The following CYP7B1 variants were observed in gnomAD, a reference collection of about 807,000 sequenced individuals.
The protein encoded by CYP7B1 is cytochrome P450 7B1.
A neutral mutation model predicts 42.7 loss-of-function variants in CYP7B1; 29 were observed. The ratio of observed to expected loss-of-function variants is 0.68; its 90% CI spans 0.51 to 0.93. The LOEUF (loss-of-function observed/expected upper bound fraction) is 0.93. CYP7B1 is among the 40% of genes least tolerant of loss of function. The pLI is 0.00. For synonymous variants in CYP7B1, 235 were observed against 218.2 expected (o/e 1.08, Z -0.68); for missense variants, 655 against 600.5 (o/e 1.09, Z -0.95).
chr8:64,772,659 G>A (rs758233947), intron 1 of CYP7B1, among the ~76,000 whole-genome samples: 3 of 152,160 alleles, frequency 2.0e-5, no homozygotes. Flanking sequence ...ACTTACAGGT[G>A]TCTGGCTTCT....
Position 64,798,650 on chromosome 8 carries a change from C to T in CYP7B1, c.-63G>A. On this transcript the variant is annotated 5_prime_UTR_variant, in exon 1 of 6. Transcript: ENST00000310193. ...TGCCTGCGAACAGCGCGGTCGGCGA[C>T]TCTGCAGCCTGCGGCGGCTTCTCTC... The T allele has an allele frequency of 7.0e-7, 1 of 1,424,592 alleles. No homozygotes were observed. Among genetic ancestry groups the T allele is most frequent in the Non-Finnish European group, 9.1e-7 (1 of 1,097,530 alleles). The allele number at this position is 1,424,592 out of a possible 1,614,324, so 88.2% of individuals were successfully genotyped here.
At chr8:64,793,242 C>T (rs974131722) in intron 1 of CYP7B1, among the ~76,000 whole-genome samples, 1 of 152,146 alleles carries the variant, frequency 6.6e-6, no homozygotes, top group African/African-American at 2.4e-5. Context: ...TCTGTAAATA[C>T]TTTCCCCTCT....
intron 1 of CYP7B1, among the ~76,000 whole-genome samples, chr8:64,727,119 C>T (rs1448016329): frequency 5.3e-5 from 8 of 152,202 alleles, no homozygotes; most frequent in Non-Finnish European, 1.2e-4. Context: ...AACCCTTCCT[C>T]CACTTTCTCC....
intron 1 of CYP7B1, among the ~76,000 whole-genome samples, chr8:64,625,700 A>G (rs1166842498): frequency 1.3e-5 from 2 of 152,186 alleles, no homozygotes; most frequent in East Asian, 3.9e-4. Context: ...TCACCTAAAC[A>G]ATGTCAATTA....
intron 1 of CYP7B1, among the ~76,000 whole-genome samples, chr8:64,725,937 C>T (rs1363472435): frequency 6.6e-6 from 1 of 152,212 alleles, no homozygotes; most frequent in Non-Finnish European, 1.5e-5. Context: ...CTCACCACAA[C>T]AATCCGCTGT....
At chr8:64,651,041 A>G (rs1460381525) in intron 1 of CYP7B1, among the ~76,000 whole-genome samples, 2 of 152,216 alleles carry the variant, frequency 1.3e-5, no homozygotes, top group Non-Finnish European at 2.9e-5. Flanking sequence ...AGGTGGGGGA[A>G]GACGGAGATG....
At chr8:64,617,206 C>T (rs189638599) in intron 2 of CYP7B1, among the ~76,000 whole-genome samples, 140 of 152,230 alleles carry the variant, frequency 9.2e-4, no homozygotes, top group Non-Finnish European at 1.5e-3. Flanking sequence ...ACTTGGGATG[C>T]TTGCGAAAAA....
At chr8:64,751,671 T>C (rs550118554) in intron 1 of CYP7B1, among the ~76,000 whole-genome samples, 7 of 152,318 alleles carry the variant, frequency 4.6e-5, no homozygotes, top group East Asian at 3.9e-4. Context: ...TATGGGAAAA[T>C]TGTCTTTCAG....
intron 1 of CYP7B1, among the ~76,000 whole-genome samples, chr8:64,650,269 T>A (rs1806018191): frequency 6.6e-6 from 1 of 152,186 alleles, no homozygotes; most frequent in Admixed American, 6.5e-5. Context: ...ATAAAATGAA[T>A]CAAATAATAT....
intron 1 of CYP7B1, among the ~76,000 whole-genome samples, chr8:64,776,671 T>C (rs1003259187): frequency 1.3e-5 from 2 of 152,032 alleles, no homozygotes; most frequent in African/African-American, 4.8e-5. Flanking sequence ...CAGCATGGCA[T>C]TTGAGAAAAC....
chr8:64,630,888 G>GAGAA (rs1215250947), intron 1 of CYP7B1, among the ~76,000 whole-genome samples: 2 of 152,218 alleles, frequency 1.3e-5, no homozygotes, highest in East Asian at 3.8e-4. Flanking sequence ...TAAAGAGAAA[G>GAGAA]AGAAAGAAGA....
At chr8:64,768,113 T>C (rs1804138120) in intron 1 of CYP7B1, among the ~76,000 whole-genome samples, 1 of 152,130 alleles carries the variant, frequency 6.6e-6, no homozygotes, top group African/African-American at 2.4e-5. Context: ...GCATCTACCT[T>C]TAAACACGGG....
intron 1 of CYP7B1, among the ~76,000 whole-genome samples, chr8:64,636,150 G>C (rs1286077234): frequency 2.0e-5 from 3 of 152,152 alleles, no homozygotes; most frequent in Non-Finnish European, 4.4e-5. Flanking sequence ...CCCTGGATTA[G>C]CAGGGTTCTA....
In CYP7B1 at chr8:64,591,656, T is replaced by C. The variant is rs1805034404; in HGVS notation, c.*4986A>G. Among the ~76,000 whole-genome samples the C allele has an allele frequency of 6.6e-6, 1 of 152,148 alleles. No individual in the cohort carries two copies. Among genetic ancestry groups the C allele is most frequent in the Non-Finnish European group, 1.5e-5 (1 of 68,036 alleles). On this transcript the variant is annotated 3_prime_UTR_variant, in exon 6 of 6. Transcript: ENST00000310193. ...CTTAGACTTGTGACCCAAAACTTAA[T>C]TATAAAATGGAGATGAAGTAAGGAA... is the stretch of plus-strand genomic sequence containing the variant.
intron 1 of CYP7B1, among the ~76,000 whole-genome samples, chr8:64,732,686 A>T (rs374118839): frequency 9.2e-5 from 14 of 152,308 alleles, no homozygotes; most frequent in African/African-American, 3.1e-4. Context: ...TGTGTCCCCA[A>T]TCCAAATCTC....
At chr8:64,705,137 G>A (rs1188757969) in intron 1 of CYP7B1, among the ~76,000 whole-genome samples, 2 of 151,798 alleles carry the variant, frequency 1.3e-5, no homozygotes, top group Non-Finnish European at 2.9e-5. Context: ...GGGGCCAAGT[G>A]TATCAGGTGG....
chr8:64,663,789 C>CA (rs1384057414), intron 1 of CYP7B1, among the ~76,000 whole-genome samples: 14 of 152,054 alleles, frequency 9.2e-5, no homozygotes, highest in African/African-American at 3.4e-4. Flanking sequence ...CTCTAAGGAC[C>CA]AAAAATTTCA....
At chr8:64,666,849 GT>G (rs1806287964) in intron 1 of CYP7B1, among the ~76,000 whole-genome samples, 1 of 152,182 alleles carries the variant, frequency 6.6e-6, no homozygotes, top group East Asian at 1.9e-4. Context: ...TAAAAATAAA[GT>G]TGTGTTAAGG....
At chr8:64,599,336 C>A (rs1805165343) in intron 5 of CYP7B1, among the ~76,000 whole-genome samples, 1 of 151,990 alleles carries the variant, frequency 6.6e-6, no homozygotes, top group African/African-American at 2.4e-5. Context: ...CTACAGGCGC[C>A]CACCACCACG....
Sources: allele counts gnomAD v4.1 joint callset (sites outside exome capture counted in the v4.1 genomes callset), GRCh38; gene constraint gnomAD v4.1.1; transcripts MANE v1.5; gene names NCBI Gene and HGNC (gene_info 2026-07-23, HGNC 2026-07-21).